COX15: variants seen among roughly 807,000 people sequenced by gnomAD.
COX15 encodes the protein cytochrome c oxidase assembly factor COX15, also known as heme A synthase COX15.
In COX15, 51 loss-of-function variants were observed where a neutral mutation model predicts 51.9. The ratio of observed to expected loss-of-function variants is 0.98; its 90% CI spans 0.78 to 1.24. The LOEUF (loss-of-function observed/expected upper bound fraction) is 1.24. Among genes scored for constraint, COX15 ranks in the 50% most tolerant of loss-of-function variants. The pLI is 0.00. For missense variants in COX15, 420 were observed against 501.1 expected (o/e 0.84, Z 1.55); for synonymous variants, 188 against 190.5 (o/e 0.99, Z 0.11).
chr10:99,721,966 C>T (rs549183538), intron 5 of COX15, among the ~76,000 whole-genome samples: 69 of 152,220 alleles, frequency 4.5e-4, no homozygotes, highest in Non-Finnish European at 7.2e-4. Context: ...CAGGCTCAAG[C>T]GATTCTCCTG....
rs767534714 is a variant in COX15 at position 99,714,333 on chromosome 10, A to C, written c.*254T>G. 22 of 1,275,456 alleles carry C rather than the reference A, an allele frequency of 1.7e-5. No individual in the cohort carries two copies. Among genetic ancestry groups the C allele is most frequent in the Non-Finnish European group, 2.1e-5 (21 of 1,000,540 alleles). 79.0% of individuals were successfully genotyped at this position (1,275,456 alleles called of 1,614,324 possible). ...CAAAGCCTGTTAAGCAGCAAATGGC[A>C]GACATTTCTTTCTCTACATTAAAAC... On this transcript the variant is annotated 3_prime_UTR_variant, in exon 9 of 9. Coordinates refer to ENST00000016171, the MANE Select transcript of COX15 (RefSeq NM_078470.6).
chr10:99,722,424 C>T (rs2036804186), intron 5 of COX15, among the ~76,000 whole-genome samples: 1 of 152,028 alleles, frequency 6.6e-6, no homozygotes, highest in Non-Finnish European at 1.5e-5. Context: ...AAGATAATTA[C>T]AGGGACTGAA....
the COX15 span, chr10:99,705,138 G>T: frequency 6.0e-6 from 1 of 166,808 alleles, no homozygotes; most frequent in South Asian, 1.5e-4. Context: ...TCATTTATGT[G>T]GAGATCCACA....
intron 6 of COX15, among the ~76,000 whole-genome samples, chr10:99,720,122 G>A (rs546030752): frequency 8.5e-5 from 13 of 152,260 alleles, no homozygotes; most frequent in African/African-American, 3.1e-4. Flanking sequence ...GTTCTAGAAT[G>A]AGAGCAGCAG....
chr10:99,696,107 C>G, the COX15 span: 1 of 1,612,724 alleles, frequency 6.2e-7, no homozygotes. Flanking sequence ...CTGAATGAAA[C>G]TCTTAACAAA....
rs777532861 is a variant in COX15, at chr10:99,729,661, C to T, written c.164G>A (p.Arg55Lys). The change falls in exon 2 of 9, where the codon AGG becomes AAG. Residue 55 changes from arginine to lysine, a missense_variant. Physicochemically the swap from Arg to Lys is conservative, Grantham distance 26. Coordinates refer to ENST00000016171, the MANE Select transcript of COX15 (RefSeq NM_078470.6). ...TISEVALQSG[R>K]GTVSLPSKAA... ...CTTTGAGGGAAGGGACACTGTACCC[C>T]TTCCAGATTGCAAAGCTACTTCAGA... The T allele has an allele frequency of 4.8e-5, 77 of 1,614,016 alleles. No individual in the cohort carries two copies. The highest frequency in any genetic ancestry group is 6.8e-6 in the Non-Finnish European group (8 of 1,180,038).
rs1003502153 is a variant in COX15, at chr10:99,713,358, T to C, written c.*1229A>G. The stretch of plus-strand genomic sequence containing the variant: ...TCGATGGGGTCATTCTGGGACTGTT[T>C]TCAGTTGCCACTGTCATCTATTATA... On this transcript the variant is annotated 3_prime_UTR_variant, in exon 9 of 9. Transcript: ENST00000016171. The C allele has an allele frequency of 6.2e-7, 1 of 1,613,208 alleles. No homozygotes were observed. The highest frequency in any genetic ancestry group is 8.5e-7 in the Non-Finnish European group (1 of 1,179,714).
At chr10:99,695,820 C>A in the COX15 span, 2 of 749,888 alleles carry the variant, frequency 2.7e-6, no homozygotes, top group Non-Finnish European at 4.1e-6. Flanking sequence ...TAAAATAATG[C>A]TATGAGGATG....
the COX15 span, among the ~76,000 whole-genome samples, chr10:99,700,414 A>ATGTGTG: frequency 4.1e-4 from 4 of 9,792 alleles, no homozygotes; most frequent in African/African-American, 1.3e-3. Flanking sequence ...GTGTGTGTGT[A>ATGTGTG]TGTGTGTGTG....
At chr10:99,730,633 C>T (rs150341812) in intron 1 of COX15, among the ~76,000 whole-genome samples, 1 of 152,176 alleles carries the variant, frequency 6.6e-6, no homozygotes, top group African/African-American at 2.4e-5. Flanking sequence ...CCTACTACAC[C>T]CCTGAGCTAT....
chr10:99,702,524 T>C, the COX15 span: 2 of 1,576,780 alleles, frequency 1.3e-6, no homozygotes, highest in Middle Eastern at 3.4e-4. Context: ...ATCAGTGTTT[T>C]AAATCGGCTT....
the COX15 span, chr10:99,697,819 T>G: frequency 6.5e-6 from 1 of 153,710 alleles, no homozygotes; most frequent in African/African-American, 2.4e-5. Context: ...TAACTGCAAT[T>G]GGCAAAGTTA....
chr10:99,716,288 C>G (rs1001780502), intron 8 of COX15, 60 bp downstream of exon 8: 1 of 1,222,738 alleles, frequency 8.2e-7, no homozygotes, highest in Non-Finnish European at 1.2e-6. Flanking sequence ...CCACTGTGCC[C>G]GGCCCCTTTT....
chr10:99,696,100 A>C, the COX15 span: 1 of 1,613,210 alleles, frequency 6.2e-7, no homozygotes, highest in South Asian at 1.1e-5. Context: ...CCTTGTTCTG[A>C]ATGAAACTCT....
the COX15 span, among the ~76,000 whole-genome samples, chr10:99,696,318 G>A: frequency 1.3e-5 from 2 of 152,158 alleles, no homozygotes. Context: ...TCTGATCTTT[G>A]TTATTAGGAC....
intron 5 of COX15, 84 bp from the exon 6 acceptor site, chr10:99,721,152 T>C (rs1590091993): frequency 9.2e-7 from 1 of 1,088,632 alleles, no homozygotes; most frequent in East Asian, 2.5e-5. Flanking sequence ...CAAACCCAAG[T>C]GACAAATTAA....
chr10:99,722,965 A>G (rs1315557059), intron 5 of COX15: 3 of 152,080 alleles, frequency 2.0e-5, no homozygotes, highest in Admixed American at 6.6e-5. Flanking sequence ...TTTCAACCCA[A>G]TTTGGCTTCT....
chr10:99,705,997 CAT>C (rs1564638988), downstream of COX15: 1 of 152,208 alleles, frequency 6.6e-6, no homozygotes, highest in Non-Finnish European at 1.5e-5. Context: ...CCCTTTCCTA[CAT>C]GTAGCCTTGA....
chr10:99,701,290 ATT>A, the COX15 span, among the ~76,000 whole-genome samples: 59,954 of 146,782 alleles, frequency 0.41, 12,208 homozygotes, highest in East Asian at 0.61. Context: ...AACAAAAGTG[ATT>A]TTTTTTTTTT....
Sources: gnomAD v4.1 joint callset for allele counts (sites outside exome capture counted in the v4.1 genomes callset) on GRCh38, gnomAD v4.1.1 for gene constraint, MANE v1.5 for transcripts, NCBI Gene and HGNC (gene_info 2026-07-23, HGNC 2026-07-21) for gene names.